Variants in CTNNA2 observed in about 807,000 individuals in gnomAD.
The protein encoded by CTNNA2 is catenin alpha 2, also known as catenin alpha-2.
CTNNA2 carries 42 observed loss-of-function variants against 101.0 expected under a neutral mutation model. That is an observed-to-expected ratio of 0.42 (90% CI 0.32 to 0.54). The LOEUF (loss-of-function observed/expected upper bound fraction) is 0.54. Ranked by LOEUF, CTNNA2 falls within the 20% of genes least tolerant of loss-of-function variation. CTNNA2 has a pLI of 0.14. For synonymous variants in CTNNA2, 450 were observed against 456.4 expected (o/e 0.99, Z 0.18); for missense variants, 871 against 1,223.1 (o/e 0.71, Z 4.29).
chr2:79,419,350 T>C (rs1454195189), intron 4 of CTNNA2, among the ~76,000 whole-genome samples: 1 of 152,122 alleles, frequency 6.6e-6, no homozygotes, highest in African/African-American at 2.4e-5. Flanking sequence ...GGAAAACTAG[T>C]TATATATAAA....
chr2:80,270,364 G>T (rs574977659), intron 7 of CTNNA2, among the ~76,000 whole-genome samples: 1 of 152,086 alleles, frequency 6.6e-6, no homozygotes, highest in African/African-American at 2.4e-5. Context: ...AGCCTTAGAG[G>T]TTTCTTGATG....
intron 7 of CTNNA2, among the ~76,000 whole-genome samples, chr2:79,969,752 G>A (rs1690342409): frequency 1.3e-5 from 2 of 149,580 alleles, no homozygotes; most frequent in African/African-American, 4.9e-5. Flanking sequence ...CTTGGCCAGT[G>A]ATTATTGAAA....
chr2:79,931,275 T>C, intron 7 of CTNNA2, among the ~76,000 whole-genome samples: 1 of 152,344 alleles, frequency 6.6e-6, no homozygotes, highest in Admixed American at 6.5e-5. Context: ...TAATTATATT[T>C]ATCTATGAAT....
intron 2 of CTNNA2, among the ~76,000 whole-genome samples, chr2:79,288,313 G>T (rs988100450): frequency 6.6e-6 from 1 of 152,196 alleles, no homozygotes; most frequent in Non-Finnish European, 1.5e-5. Flanking sequence ...TTTACCATCT[G>T]TTTGAGTTAT....
intron 7 of CTNNA2, among the ~76,000 whole-genome samples, chr2:80,186,451 G>A (rs143830927): frequency 1.3e-5 from 2 of 152,180 alleles, no homozygotes; most frequent in African/African-American, 4.8e-5. Flanking sequence ...GCAGAGTTCA[G>A]TGCCCTGGAC....
chr2:80,077,848 G>A (rs1698864393), intron 7 of CTNNA2, among the ~76,000 whole-genome samples: 2 of 152,186 alleles, frequency 1.3e-5, no homozygotes, highest in Non-Finnish European at 2.9e-5. Flanking sequence ...AAAGATGGAT[G>A]TGTTCTATAT....
At chr2:79,760,453 A>AGT (rs1230908776) in intron 3 of CTNNA2, among the ~76,000 whole-genome samples, 77 of 152,284 alleles carry the variant, frequency 5.1e-4, no homozygotes, top group African/African-American at 1.8e-3. Flanking sequence ...GACAGGCTGG[A>AGT]AACTCAAGTA....
At chr2:80,227,510 A>G (rs747927970) in intron 7 of CTNNA2, among the ~76,000 whole-genome samples, 3 of 152,164 alleles carry the variant, frequency 2.0e-5, no homozygotes, top group Non-Finnish European at 4.4e-5. Flanking sequence ...TCAGCCATCT[A>G]TTTGATAATT....
chr2:79,343,164 A>G (rs1482801343), intron 3 of CTNNA2, among the ~76,000 whole-genome samples: 1 of 152,246 alleles, frequency 6.6e-6, no homozygotes, highest in East Asian at 1.9e-4. Flanking sequence ...AATTATAGTT[A>G]ACCATATTGC....
intron 4 of CTNNA2, among the ~76,000 whole-genome samples, chr2:79,418,341 C>T (rs1256975777): frequency 6.6e-6 from 1 of 152,070 alleles, no homozygotes; most frequent in Admixed American, 6.6e-5. Context: ...ATTAGCTTTA[C>T]AAAGGTGGTT....
At chr2:80,235,148 G>T (rs1709477155) in intron 7 of CTNNA2, among the ~76,000 whole-genome samples, 1 of 151,832 alleles carries the variant, frequency 6.6e-6, no homozygotes, top group South Asian at 2.1e-4. Flanking sequence ...TTTCATATTT[G>T]TCCATTGTTA....
At chr2:79,965,273 T>C (rs1689958569) in intron 7 of CTNNA2, among the ~76,000 whole-genome samples, 2 of 152,208 alleles carry the variant, frequency 1.3e-5, no homozygotes, top group Admixed American at 1.3e-4. Flanking sequence ...ATATTTAGCA[T>C]GCCTTGACAT....
At chr2:79,723,034 A>T (rs1361185220) in intron 2 of CTNNA2, among the ~76,000 whole-genome samples, 1 of 152,246 alleles carries the variant, frequency 6.6e-6, no homozygotes, top group African/African-American at 2.4e-5. Context: ...AGAAAGCGAA[A>T]GAGTAAGAGA....
chr2:79,389,423 TG>T (rs1678141890), intron 4 of CTNNA2, among the ~76,000 whole-genome samples: 1 of 152,118 alleles, frequency 6.6e-6, no homozygotes, highest in Non-Finnish European at 1.5e-5. Flanking sequence ...ATAAAAAGCA[TG>T]GGGGAGAATC....
chr2:79,381,457 A>G lies in CTNNA2; in HGVS notation c.-135+7444A>G, dbSNP rs1678038011. ...AAGTATTTGCATCTTCATAGTTTTGATTCAATTGATCAAAAACTATCAAGT... is the reference window on the plus strand; with the variant it reads ...AAGTATTTGCATCTTCATAGTTTTGGTTCAATTGATCAAAAACTATCAAGT... On this transcript the variant is annotated intron_variant, in intron 4 of 21. Transcript: ENST00000466387. Among the ~76,000 whole-genome samples, 3 of 152,300 alleles carry G rather than the reference A, an allele frequency of 2.0e-5. No individual in the cohort carries two copies. In the South Asian group the frequency reaches 6.2e-4, roughly 32 times the overall value.
chr2:80,470,240 G>A (rs1028878929), intron 9 of CTNNA2, among the ~76,000 whole-genome samples: 1 of 152,176 alleles, frequency 6.6e-6, no homozygotes, highest in Non-Finnish European at 1.5e-5. Flanking sequence ...AGATTGAGCT[G>A]CTGTTGAACA....
chr2:80,552,795 A>C, intron 11 of CTNNA2, among the ~76,000 whole-genome samples: 1 of 152,334 alleles, frequency 6.6e-6, no homozygotes, highest in South Asian at 2.1e-4. Flanking sequence ...ATGTATAAAT[A>C]TTTTAAAAGT....
intron 9 of CTNNA2, among the ~76,000 whole-genome samples, chr2:80,448,153 C>G (rs2149451645): frequency 6.6e-6 from 1 of 152,202 alleles, no homozygotes; most frequent in East Asian, 1.9e-4. Context: ...CTAATTTGGC[C>G]CAATCACTGA....
At chr2:79,422,593 G>T (rs1678551023) in intron 4 of CTNNA2, among the ~76,000 whole-genome samples, 1 of 152,028 alleles carries the variant, frequency 6.6e-6, no homozygotes, top group Non-Finnish European at 1.5e-5. Flanking sequence ...TTAGAGTAAA[G>T]GCTCAAATAA....
Sources: gnomAD v4.1 joint callset for allele counts (sites outside exome capture counted in the v4.1 genomes callset) on GRCh38, gnomAD v4.1.1 for gene constraint, MANE v1.5 for transcripts, NCBI Gene and HGNC (gene_info 2026-07-23, HGNC 2026-07-21) for gene names.